The following NHSL1 variants were observed in gnomAD, a reference collection of about 807,000 sequenced individuals.
NHSL1 encodes the protein NHS-like protein 1.
NHSL1 carries 48 observed loss-of-function variants against 95.0 expected under a neutral mutation model. That is an observed-to-expected ratio of 0.51 (90% confidence interval 0.40 to 0.64). The LOEUF (loss-of-function observed/expected upper bound fraction) is 0.64. Among genes scored for constraint, NHSL1 ranks in the 30% least tolerant of loss-of-function variants. The probability of loss-of-function intolerance (pLI) is 0.00; values close to 1 mark genes in which losing one functional copy is unlikely to be tolerated. For missense variants in NHSL1, 1,971 were observed against 2,077.7 expected (o/e 0.95, Z 1.00); for synonymous variants, 783 against 833.9 (o/e 0.94, Z 1.05).
At position 138,431,010 on chromosome 6, in the gene NHSL1, G is replaced by A. The variant is rs1021822143; in HGVS notation, c.3335C>T (p.Pro1112Leu). The A allele has an allele frequency of 3.9e-6, 6 of 1,552,182 alleles. No individual in the cohort carries two copies. The African/African-American group carries it at 8.2e-5, about 21-fold the overall frequency. ...TPVAPQYHLK[P>L]SAFLKSRNST... Reference sequence around the variant, plus strand: ...ATTTCGGGATTTCAGGAAAGCAGATGGCTTTAAGTGGTACTGTGGAGCAAC... The same window carrying A: ...ATTTCGGGATTTCAGGAAAGCAGATAGCTTTAAGTGGTACTGTGGAGCAAC... The change falls in exon 6 of 8, where the codon CCA becomes CTA. Residue 1112 changes from proline (P) to leucine (L), a missense_variant. This residue lies in a region of NHSL1 where 1,602 missense variants were observed against 1,654.5 expected (regional missense o/e 0.97). Coordinates refer to ENST00000343505, the MANE Select transcript of NHSL1 (RefSeq NM_001144060.2). The surrounding 1 kb of genome is among the most constrained non-coding windows in gnomAD (Gnocchi z 4.0).
At chr6:138,641,036 C>T (rs1032960136) in intron 1 of NHSL1, among the ~76,000 whole-genome samples, 2 of 152,228 alleles carry the variant, frequency 1.3e-5, no homozygotes, top group African/African-American at 4.8e-5. Context: ...CCTCCCACCC[C>T]AAAGCCAATC....
chr6:138,552,292 G>A (rs1783037339), intron 1 of NHSL1, among the ~76,000 whole-genome samples: 2 of 152,052 alleles, frequency 1.3e-5, no homozygotes, highest in African/African-American at 2.4e-5. Context: ...AGTGGTGCAC[G>A]CCTCTAAGTC....
At chr6:138,484,129 C>G (rs887903917) in intron 2 of NHSL1, among the ~76,000 whole-genome samples, 6 of 152,206 alleles carry the variant, frequency 3.9e-5, no homozygotes, top group Non-Finnish European at 5.9e-5. Context: ...GAAATTTTGT[C>G]TCAGTAGAAT....
intron 1 of NHSL1, among the ~76,000 whole-genome samples, chr6:138,589,859 GC>G (rs1784198543): frequency 6.6e-6 from 1 of 151,972 alleles, no homozygotes; most frequent in Non-Finnish European, 1.5e-5. Flanking sequence ...CTCTTCCTTG[GC>G]CCTTGCACCT....
chr6:138,431,307 G>A lies in NHSL1; in HGVS notation c.3038C>T (p.Pro1013Leu), dbSNP rs1340857307. 1.3e-6 allele frequency: 2 copies of A among 1,508,614 alleles called. No homozygotes were observed. Among genetic ancestry groups the A allele is most frequent in the African/African-American group, 2.8e-5 (2 of 71,884 alleles). 93.5% of individuals were successfully genotyped at this position (1,508,614 alleles called of 1,614,324 possible). ...DSPVSLPLPPPLLPSSEPPPA... is the reference protein window; with the variant it reads ...DSPVSLPLPPLLLPSSEPPPA... ...TGGGGGTTCCGAGGAAGGTAAGAGA[G>A]GTGGGGGCAATGGCAAGGACACAGG... Residue 1013 changes from proline to leucine, a missense_variant, in exon 6 of 8, where the codon CCT becomes CTT. Coordinates refer to ENST00000343505, the MANE Select transcript of NHSL1 (RefSeq NM_001144060.2). The surrounding 1 kb of genome is among the most constrained non-coding windows in gnomAD (Gnocchi z 4.0).
At chr6:138,454,412 A>C (rs965997631) in intron 3 of NHSL1, among the ~76,000 whole-genome samples, 2 of 152,114 alleles carry the variant, frequency 1.3e-5, no homozygotes, top group African/African-American at 4.8e-5. Context: ...TCTTTGTATT[A>C]TCTCAACAAT....
At chr6:138,621,011 T>C (rs986099759) in intron 1 of NHSL1, among the ~76,000 whole-genome samples, 1 of 152,124 alleles carries the variant, frequency 6.6e-6, no homozygotes, top group Non-Finnish European at 1.5e-5. Context: ...GGTGCTAGTG[T>C]GGGGGATAAG....
rs1323665558 is a variant in NHSL1, at chr6:138,674,616, C to T, written c.96+17860G>A. 2.0e-5 allele frequency among the ~76,000 whole-genome samples: 3 copies of T among 152,240 alleles called. No homozygotes were observed. The East Asian group carries it at 5.8e-4, about 29-fold the overall frequency. On this transcript the variant is annotated intron_variant, in intron 1 of 3. Coordinates refer to the NHSL1 transcript ENST00000491526. ...TAGTTTGCTGAGGATAATGGCTTCC[C>T]ACTTCATCCGTGTCCCTGCAAAGAA...
intron 1 of NHSL1, among the ~76,000 whole-genome samples, chr6:138,610,279 C>T (rs1784491904): frequency 6.6e-6 from 1 of 152,106 alleles, no homozygotes; most frequent in Non-Finnish European, 1.5e-5. Flanking sequence ...TCTCAGCAAA[C>T]TATCGCAACG....
At chr6:138,594,369 G>T (rs1784273566) in intron 1 of NHSL1, among the ~76,000 whole-genome samples, 1 of 152,146 alleles carries the variant, frequency 6.6e-6, no homozygotes. Flanking sequence ...ACTGCCAATA[G>T]GACTGCCAAT....
intron 1 of NHSL1, chr6:138,512,238 A>T (rs546912926): frequency 2.2e-6 from 1 of 447,754 alleles, no homozygotes; most frequent in South Asian, 1.6e-5. Flanking sequence ...AGACAAATTT[A>T]ATTATCTTAT....
At position 138,431,338 on chromosome 6, in the gene NHSL1, C is replaced by G. The variant is rs903348570; in HGVS notation, c.3007G>C (p.Asp1003His). Residue 1003 changes from aspartate to histidine, a missense_variant, in exon 6 of 8, where the codon GAT (aspartate) becomes CAT (histidine). Transcript: ENST00000343505. The surrounding 1 kb of genome is among the most constrained non-coding windows in gnomAD (Gnocchi z 4.0). The stretch of plus-strand genomic sequence containing the variant: ...GGCAATGGCAAGGACACAGGTGAAT[C>G]TGGAAGAATGGGGCTCAGTGCAGGG... ...PRPALSPILP[D>H]SPVSLPLPPP... 1.0e-5 allele frequency: 16 copies of G among 1,525,944 alleles called. No individual in the cohort carries two copies. The African/African-American group carries it at 2.2e-4, about 21-fold the overall frequency. 94.5% of individuals were successfully genotyped at this position (1,525,944 alleles called of 1,614,324 possible). A position where few individuals can be genotyped will look rare whatever the true frequency, so the allele number is the denominator to read the frequency against.
intron 1 of NHSL1, among the ~76,000 whole-genome samples, chr6:138,528,794 G>T (rs1461979704): frequency 6.6e-6 from 1 of 152,118 alleles, no homozygotes; most frequent in Non-Finnish European, 1.5e-5. Flanking sequence ...TTTTAGAATT[G>T]CAGTAAGAGA....
chr6:138,432,547 A>G lies in NHSL1; in HGVS notation c.1798T>C (p.Tyr600His), dbSNP rs543576165. ...TSNKEDAGSL[Y>H]SEDHDGYCAS... The stretch of plus-strand genomic sequence containing the variant: ...CAGTAGCCATCGTGGTCCTCAGAAT[A>G]CAGCGACCCAGCATCCTCTTTGTTG... The change falls in exon 6 of 8, where the codon TAT (tyrosine) becomes CAT (histidine). Residue 600 changes from tyrosine to histidine, a missense_variant. This residue lies in a region of NHSL1 where 1,602 missense variants were observed against 1,654.5 expected (regional missense o/e 0.97). Transcript: ENST00000343505. This position sits in a 1 kb window ranked among gnomAD's most constrained non-coding sequence, Gnocchi z 4.4. The G allele has an allele frequency of 1.5e-5, 23 of 1,552,084 alleles. No homozygotes were observed. In the Admixed American group the frequency reaches 3.5e-4, roughly 24 times the overall value.
At position 138,453,917 on chromosome 6, in the gene NHSL1, C is replaced by T. The variant is rs921067161; in HGVS notation, c.340-6724G>A. Among the ~76,000 whole-genome samples the T allele has an allele frequency of 5.3e-5, 8 of 152,266 alleles. No homozygotes were observed. In the East Asian group the frequency reaches 9.6e-4, roughly 18 times the overall value. On this transcript the variant is annotated intron_variant, in intron 3 of 7. Transcript: ENST00000343505. ...TGGATCTTAACTATCCCATATTAAG[C>T]GATCCTTTCCTCAAATGAAAGAAAA...
upstream of NHSL1, among the ~76,000 whole-genome samples, chr6:138,693,122 T>A (rs1487143463): frequency 6.6e-6 from 1 of 151,376 alleles, no homozygotes; most frequent in Admixed American, 6.6e-5. This position sits in a 1 kb window ranked among gnomAD's most constrained non-coding sequence, Gnocchi z 4.3. Context: ...CGAGTCCCGC[T>A]GAAGTTTGCA....
chr6:138,683,811 C>T (rs560116659), intron 1 of NHSL1, among the ~76,000 whole-genome samples: 1 of 152,338 alleles, frequency 6.6e-6, no homozygotes, highest in Admixed American at 6.5e-5. Context: ...CACTGTCACA[C>T]AGAAATAATA....
intron 2 of NHSL1, among the ~76,000 whole-genome samples, chr6:138,489,841 AGAGGGAGAGAGGGAGAGAGAGAGAGAG>A (rs1562321462): frequency 2.8e-5 from 2 of 71,962 alleles, no homozygotes; most frequent in Non-Finnish European, 5.1e-5. Flanking sequence ...AGAGAGAGAG[AGAGGGAGAGAGGGAGAGAGAGAGAGAG>A]AGAGGGAGAG....
intron 1 of NHSL1, among the ~76,000 whole-genome samples, chr6:138,604,769 G>T (rs954547947): frequency 1.3e-5 from 2 of 152,088 alleles, no homozygotes; most frequent in Non-Finnish European, 2.9e-5. Flanking sequence ...GGAACTACAG[G>T]CATGTGCCAC....
Sources: allele counts gnomAD v4.1 joint callset (sites outside exome capture counted in the v4.1 genomes callset), GRCh38; gene constraint gnomAD v4.1.1; regional missense constraint gnomAD v4.1.1; non-coding constraint Gnocchi (gnomAD v3.1); transcripts MANE v1.5; gene names NCBI Gene and HGNC (gene_info 2026-07-23, HGNC 2026-07-21).